The following PACSIN3 variants were observed in gnomAD, a reference collection of about 807,000 sequenced individuals.
PACSIN3 encodes the protein protein kinase C and casein kinase substrate in neurons protein 3.
PACSIN3 carries 34 observed loss-of-function variants against 56.1 expected under a neutral mutation model. The observed-to-expected ratio is 0.61, with a 90% CI of 0.46 to 0.81. The LOEUF (loss-of-function observed/expected upper bound fraction) is 0.81, where lower values mean the gene tolerates loss of function less well. Among genes scored for constraint, PACSIN3 ranks in the 30% least tolerant of loss-of-function variants. The probability of loss-of-function intolerance (pLI) is 0.00; values close to 1 mark genes in which losing one functional copy is unlikely to be tolerated. For missense variants in PACSIN3, 535 were observed against 592.4 expected, an observed-to-expected ratio of 0.90 and a Z score of 1.01; for synonymous variants, 218 against 229.8, an observed-to-expected ratio of 0.95 and a Z score of 0.46.
Position 47,180,181 on chromosome 11 carries a change from T to C in PACSIN3, c.603+5A>G, listed in dbSNP as rs749820770. 2 of 1,601,550 alleles carry C rather than the reference T, an allele frequency of 1.2e-6. No individual in the cohort carries two copies. The highest frequency in any genetic ancestry group is 2.2e-5 in the East Asian group (1 of 44,868). On this transcript the variant is annotated splice_donor_5th_base_variant and intron_variant, in intron 6 of 10. Coordinates refer to ENST00000298838, the MANE Select transcript of PACSIN3 (RefSeq NM_016223.5). ...GGGGCCAGGGCTGGGACCTGTGGCC[T>C]GTACCTTCTCGGCCTCCTTGGCACA...
At position 47,177,742 on chromosome 11, in the gene PACSIN3, CGTCCCTTCCCTACCA is replaced by C; in HGVS notation, c.*174_*188del. 1 of 614,154 alleles carries C rather than the reference CGTCCCTTCCCTACCA, an allele frequency of 1.6e-6. No homozygotes were observed. Among genetic ancestry groups the C allele is most frequent in the Non-Finnish European group, 2.9e-6 (1 of 347,852 alleles). The allele number at this position is 614,154 out of a possible 1,614,324, so 38.0% of individuals were successfully genotyped here. On this transcript the variant is annotated 3_prime_UTR_variant, in exon 11 of 11. Coordinates refer to ENST00000298838, the MANE Select transcript of PACSIN3 (RefSeq NM_016223.5). The stretch of plus-strand genomic sequence containing the variant: ...TCCCATCTTGCCCTCAGCCTAGACT[CGTCCCTTCCCTACCA>C]GTCCCTTCCCTAGACAAAGGCCCCT...
intron 2 of PACSIN3, 36 bp from the exon 3 acceptor site, chr11:47,182,800 C>T (rs1016950346): frequency 1.3e-6 from 2 of 1,486,304 alleles, no homozygotes; most frequent in African/African-American, 1.4e-5. Context: ...GAAAGCTGGA[C>T]ATTATGTTTC....
At position 47,178,309 on chromosome 11, in the gene PACSIN3, AC is replaced by A. The variant is rs1215378563; in HGVS notation, c.1159+56del. On this transcript the variant is annotated intron_variant, in intron 10 of 10. Coordinates refer to ENST00000298838, the MANE Select transcript of PACSIN3 (RefSeq NM_016223.5). The surrounding 1 kb of genome is among the most constrained non-coding windows in gnomAD (Gnocchi z 4.2). ...TGGGTATTTGGCTTCCCTTTCTGAC[AC>A]CCCTGCTCAGGCAGATAAGGCAGAG... The A allele has an allele frequency of 2.5e-6, 4 of 1,594,828 alleles. No individual in the cohort carries two copies. Among genetic ancestry groups the A allele is most frequent in the Non-Finnish European group, 3.4e-6 (4 of 1,168,808 alleles).
At position 47,179,080 on chromosome 11, in the gene PACSIN3, C is replaced by T. The variant is rs200673851; in HGVS notation, c.901-50G>A. The T allele has an allele frequency of 6.2e-7, 1 of 1,614,058 alleles. No homozygotes were observed. Among genetic ancestry groups the T allele is most frequent in the African/African-American group, 1.3e-5 (1 of 75,052 alleles). On this transcript the variant is annotated intron_variant, in intron 8 of 10. Coordinates refer to ENST00000298838, the MANE Select transcript of PACSIN3 (RefSeq NM_016223.5). This position sits in a 1 kb window ranked among gnomAD's most constrained non-coding sequence, Gnocchi z 4.4. ...GGTGGGGCCATCTGAACCACCTTCA[C>T]TTACTTCATCCCTAGCCCTGGCCGA... is the stretch of plus-strand genomic sequence containing the variant.
At position 47,178,922 on chromosome 11, in the gene PACSIN3, G is replaced by T; in HGVS notation, c.1009C>A (p.Pro337Thr). The change falls in exon 9 of 11, where the codon CCC becomes ACC. Residue 337 changes from proline (P) to threonine (T), a missense_variant. Coordinates refer to ENST00000298838, the MANE Select transcript of PACSIN3 (RefSeq NM_016223.5). The surrounding 1 kb of genome is among the most constrained non-coding windows in gnomAD (Gnocchi z 4.2). ...SIVPTRDGTA[P>T]PPQSPGSPGT... Reference sequence around the variant, plus strand: ...GGGGACCCCGGGGACTGGGGTGGGGGTGCGGTGCCATCTCTTGTAGGCACA... The same window carrying T: ...GGGGACCCCGGGGACTGGGGTGGGGTTGCGGTGCCATCTCTTGTAGGCACA... The T allele has an allele frequency of 6.2e-7, 1 of 1,613,982 alleles. No homozygotes were observed. The highest frequency in any genetic ancestry group is 8.5e-7 in the Non-Finnish European group (1 of 1,180,016).
intron 2 of PACSIN3, 93 bp downstream of exon 2, chr11:47,182,911 G>A: frequency 3.5e-6 from 2 of 574,208 alleles, no homozygotes; most frequent in Non-Finnish European, 3.0e-6. Flanking sequence ...GCAGGGTGCT[G>A]AAGACCCTAA....
intron 1 of PACSIN3, among the ~76,000 whole-genome samples, chr11:47,184,830 TG>T (rs1025471851): frequency 1.1e-4 from 16 of 152,196 alleles, no homozygotes; most frequent in African/African-American, 3.9e-4. Context: ...GCCCCTTGCC[TG>T]TTCCAGCCTC....
Position 47,180,477 on chromosome 11 carries a change from G to T in PACSIN3, c.425C>A (p.Pro142His). The T allele has an allele frequency of 6.2e-7, 1 of 1,601,508 alleles. No individual in the cohort carries two copies. Residue 142 changes from proline to histidine, a missense_variant, in exon 5 of 11, where the codon CCC (proline) becomes CAC (histidine). Pro to His is a moderately conservative substitution (Grantham distance 77). Transcript: ENST00000298838. ...AEDGFRKAQK[P>H]WLKRLKEVEA... ...CACCTCCTTCAGCCTCTTCAGCCAG[G>T]GCTTCTGGGCCTTGCGGAAGCCGTC...
Position 47,180,291 on chromosome 11 carries a change from G to T in PACSIN3, c.498C>A (p.Thr166=), listed in dbSNP as rs142257742. 3.7e-6 allele frequency: 6 copies of T among 1,603,116 alleles called. No homozygotes were observed. In the South Asian group the frequency reaches 5.5e-5, roughly 15 times the overall value. The change falls in exon 6 of 11, where the codon ACC becomes ACA. Residue 166 remains threonine, a synonymous_variant. Coordinates refer to ENST00000298838, the MANE Select transcript of PACSIN3 (RefSeq NM_016223.5). ...SYHAARKDEK[T]AQTRESHAKA... ...TTGCGTGGCTCTCCCTCGTCTGGGCGGTCTTCTCATCCTTCCGGGCTGCGT... is the reference window on the plus strand; with the variant it reads ...TTGCGTGGCTCTCCCTCGTCTGGGCTGTCTTCTCATCCTTCCGGGCTGCGT...
Position 47,186,328 on chromosome 11 carries a change from C to T in PACSIN3, c.-104+21G>A, listed in dbSNP as rs963634391. ...CCGCACCCGCCGCCGCCTACCCGCG[C>T]GTCCCCTCCAGGGCACTCACCGCGT... On this transcript the variant is annotated intron_variant, in intron 1 of 10. Transcript: ENST00000298838. The surrounding 1 kb of genome is among the most constrained non-coding windows in gnomAD (Gnocchi z 4.5). 1 of 152,000 alleles carries T rather than the reference C, an allele frequency of 6.6e-6. No individual in the cohort carries two copies. The highest frequency in any genetic ancestry group is 1.5e-5 in the Non-Finnish European group (1 of 68,208). The allele number at this position is 152,000 out of a possible 1,614,324, so 9.4% of individuals were successfully genotyped here.
chr11:47,178,810 T>C lies in PACSIN3; in HGVS notation c.1037+84A>G. 6.6e-7 allele frequency: 1 copy of C among 1,508,518 alleles called. No homozygotes were observed. Among genetic ancestry groups the C allele is most frequent in the Non-Finnish European group, 9.1e-7 (1 of 1,103,896 alleles). The allele number at this position is 1,508,518 out of a possible 1,614,324, so 93.4% of individuals were successfully genotyped here. ...ACCAATTTTCAACCCATTTCAGGTG[T>C]GAAAGAAATGAAACCAAGGAGAAAG... On this transcript the variant is annotated intron_variant, in intron 9 of 10. Transcript: ENST00000298838. The surrounding 1 kb of genome is among the most constrained non-coding windows in gnomAD (Gnocchi z 4.2).
In PACSIN3 at chr11:47,179,198, G is replaced by T; in HGVS notation, c.861C>A (p.Thr287=). 6.2e-7 allele frequency: 1 copy of T among 1,613,900 alleles called. No homozygotes were observed. Among genetic ancestry groups the T allele is most frequent in the Non-Finnish European group, 8.5e-7 (1 of 1,180,038 alleles). The change falls in exon 8 of 11, where the codon ACC becomes ACA. Residue 287 remains threonine (T), a synonymous_variant. Transcript: ENST00000298838. This position sits in a 1 kb window ranked among gnomAD's most constrained non-coding sequence, Gnocchi z 4.4. ...DEEDLRWWRS[T]HGPGMAMNWP... ...AGTTCATGGCCATGCCTGGCCCGTGGGTGCTGCGCCACCAGCGCAGATCCT... is the reference window on the plus strand; with the variant it reads ...AGTTCATGGCCATGCCTGGCCCGTGTGTGCTGCGCCACCAGCGCAGATCCT...
chr11:47,182,710 G>A lies in PACSIN3; in HGVS notation c.18C>T (p.Asp6=), dbSNP rs778197957. Residue 6 remains aspartate, a synonymous_variant, in exon 3 of 11, where the codon GAC becomes GAT. Transcript: ENST00000298838. ...TGCCCCCTAAGGCCTCCCCTCCAGCGTCCTCTTCTGGAGCCATGGTGTCCC... is the reference window on the plus strand; with the variant it reads ...TGCCCCCTAAGGCCTCCCCTCCAGCATCCTCTTCTGGAGCCATGGTGTCCC... The part of the protein sequence containing the change: MAPEE[D]AGGEALGGSF... 15 of 1,612,622 alleles carry A rather than the reference G, an allele frequency of 9.3e-6. No homozygotes were observed. Among genetic ancestry groups the A allele is most frequent in the African/African-American group, 4.0e-5 (3 of 74,876 alleles).
In PACSIN3 at chr11:47,177,893, C is replaced by G; in HGVS notation, c.*38G>C. 1 of 1,512,038 alleles carries G rather than the reference C, an allele frequency of 6.6e-7. No individual in the cohort carries two copies. The highest frequency in any genetic ancestry group is 9.2e-7 in the Non-Finnish European group (1 of 1,087,440). The allele number at this position is 1,512,038 out of a possible 1,614,324, so 93.7% of individuals were successfully genotyped here. The stretch of plus-strand genomic sequence containing the variant: ...CTCCAGGAGAAGCTGGGCTCTGAAC[C>G]AGGGTGGGTAAACGTTGCAGAAGGG... On this transcript the variant is annotated 3_prime_UTR_variant, in exon 11 of 11. Transcript: ENST00000298838.
At chr11:47,184,354 CCT>C (rs140269538) in intron 1 of PACSIN3, 12,389 of 152,498 alleles carry the variant, frequency 0.081, 509 homozygotes, top group African/African-American at 0.09. Context: ...AGTCACTTCC[CCT>C]GTTTCTCTGT....
rs759769124 is a variant in PACSIN3 at position 47,180,232 on chromosome 11, C to T, written c.557G>A (p.Arg186His). The T allele has an allele frequency of 1.1e-5, 17 of 1,603,714 alleles. No homozygotes were observed. The highest frequency in any genetic ancestry group is 8.3e-5 in the Admixed American group (5 of 59,998). ...GCGTTCCACCCGTTCCTGCAGTTTG[C>T]GCAGCTGCTCCTGGGAGACGGCGCT... is the stretch of plus-strand genomic sequence containing the variant. ...ADSAVSQEQL[R>H]KLQERVERCA... The change falls in exon 6 of 11, where the codon CGC (arginine) becomes CAC (histidine). Residue 186 changes from arginine to histidine, a missense_variant. Transcript: ENST00000298838.
At position 47,182,497 on chromosome 11, in the gene PACSIN3, C is replaced by A; in HGVS notation, c.117G>T (p.Leu39=). The A allele has an allele frequency of 3.7e-6, 6 of 1,611,788 alleles. No homozygotes were observed. The highest frequency in any genetic ancestry group is 5.1e-6 in the Non-Finnish European group (6 of 1,179,974). Residue 39 remains leucine (L), a synonymous_variant, in exon 4 of 11, where the codon CTG becomes CTT. Transcript: ENST00000298838. ...VEDGHRLCGD[L]VSCFQERARI... is the part of the protein sequence containing the mutation. ...GGGCGCGCTCCTGGAAGCAGCTGAC[C>A]AGGTCCCCGCACAGCCGGTGCCCGT...
intron 4 of PACSIN3, 140 bp from the exon 5 acceptor site, chr11:47,180,830 T>G (rs1029534525): frequency 3.1e-6 from 2 of 652,062 alleles, no homozygotes; most frequent in Admixed American, 3.0e-5. Context: ...CAGCTGGGCT[T>G]ATTGAATGAG....
chr11:47,182,772 G>A lies in PACSIN3; in HGVS notation c.-37-8C>T. 6.4e-7 allele frequency: 1 copy of A among 1,573,636 alleles called. No homozygotes were observed. Among genetic ancestry groups the A allele is most frequent in the Non-Finnish European group, 8.6e-7 (1 of 1,159,058 alleles). The stretch of plus-strand genomic sequence containing the variant: ...ATGGTGGCGGATTTGGGGCTGTGGA[G>A]GGCAGAGGGGTAAGCAGGAAAGCTG... On this transcript the variant is annotated splice_polypyrimidine_tract_variant and splice_region_variant and intron_variant, in intron 2 of 10. Coordinates refer to ENST00000298838, the MANE Select transcript of PACSIN3 (RefSeq NM_016223.5).
Sources: gnomAD v4.1 joint callset for allele counts (sites outside exome capture counted in the v4.1 genomes callset) on GRCh38, gnomAD v4.1.1 for gene constraint, Gnocchi (gnomAD v3.1) non-coding constraint, MANE v1.5 for transcripts, NCBI Gene and HGNC (gene_info 2026-07-23, HGNC 2026-07-21) for gene names.